PARD3: variants seen among roughly 807,000 people sequenced by gnomAD.
PARD3 encodes the protein par-3 family cell polarity regulator.
PARD3 carries 75 observed loss-of-function variants against 155.4 expected under a neutral mutation model. The ratio of observed to expected loss-of-function variants is 0.48; its 90% CI spans 0.40 to 0.58. The LOEUF is 0.58. PARD3 is among the 20% of genes least tolerant of loss of function. The pLI, the probability that PARD3 is intolerant of heterozygous loss-of-function variation, is 0.00. For synonymous variants in PARD3, 576 were observed against 610.5 expected (o/e 0.94, Z 0.83); for missense variants, 1,642 against 1,721.7 (o/e 0.95, Z 0.82).
intron 2 of PARD3, among the ~76,000 whole-genome samples, chr10:34,535,723 GC>G (rs2083179696): frequency 6.6e-6 from 1 of 151,792 alleles, no homozygotes; most frequent in South Asian, 2.1e-4. Context: ...TGGTCCACCA[GC>G]CTCAGCCTTC....
At chr10:34,118,097 A>G (rs1463469039) in intron 24 of PARD3, among the ~76,000 whole-genome samples, 2 of 152,214 alleles carry the variant, frequency 1.3e-5, no homozygotes, top group Non-Finnish European at 2.9e-5. Flanking sequence ...TAAAGACCAA[A>G]ACTTTAATGA....
chr10:34,325,048 C>G (rs1020696031), intron 19 of PARD3, among the ~76,000 whole-genome samples: 1 of 151,912 alleles, frequency 6.6e-6, no homozygotes, highest in African/African-American at 2.4e-5. Context: ...TTTGCTTTGT[C>G]GCCCAAGCTG....
chr10:34,559,770 A>T (rs2085312472), intron 2 of PARD3, among the ~76,000 whole-genome samples: 2 of 152,218 alleles, frequency 1.3e-5, no homozygotes, highest in South Asian at 4.1e-4. Flanking sequence ...ACAGCGATAT[A>T]ATTTGACCTT....
At chr10:34,200,185 T>C (rs1951145481) in intron 22 of PARD3, among the ~76,000 whole-genome samples, 1 of 152,290 alleles carries the variant, frequency 6.6e-6, no homozygotes, top group African/African-American at 2.4e-5. Flanking sequence ...CCTTGTAAGA[T>C]AGGGAGTTTT....
At chr10:34,347,623 A>G (rs2134365514) in intron 15 of PARD3, among the ~76,000 whole-genome samples, 1 of 152,326 alleles carries the variant, frequency 6.6e-6, no homozygotes, top group African/African-American at 2.4e-5. Context: ...ACAAGCCATT[A>G]AATTTTGATT....
intron 1 of PARD3, among the ~76,000 whole-genome samples, chr10:34,754,550 T>C (rs990989195): frequency 7.2e-5 from 11 of 152,216 alleles, no homozygotes; most frequent in African/African-American, 2.7e-4. Flanking sequence ...ACTTTATTAA[T>C]AGAAAGTCTT....
intron 22 of PARD3, among the ~76,000 whole-genome samples, chr10:34,236,864 A>G (rs1953265858): frequency 6.6e-6 from 1 of 152,172 alleles, no homozygotes; most frequent in African/African-American, 2.4e-5. Context: ...AGTGAGAATT[A>G]GGGTTCTTAA....
intron 2 of PARD3, among the ~76,000 whole-genome samples, chr10:34,643,510 A>C (rs1381624824): frequency 2.0e-5 from 3 of 152,280 alleles, no homozygotes; most frequent in Admixed American, 2.0e-4. Flanking sequence ...TAGAACAGGC[A>C]TCAAGGCCTT....
Position 34,211,139 on chromosome 10 carries a change from C to G in PARD3, c.3419+58518G>C, listed in dbSNP as rs74131647. On this transcript the variant is annotated intron_variant, in intron 22 of 24. Coordinates refer to ENST00000374788, the MANE Select transcript of PARD3 (RefSeq NM_001184785.2). Reference sequence around the variant, plus strand: ...CAGGCTCATGAAACGCACCGATAAACATTCGCTCTCTTCCCTGGACCCTTC... The same window carrying G: ...CAGGCTCATGAAACGCACCGATAAAGATTCGCTCTCTTCCCTGGACCCTTC... Among the ~76,000 whole-genome samples the G allele has an allele frequency of 4.0e-3, 608 of 152,282 alleles. 4 individuals are homozygous for G. The highest frequency in any genetic ancestry group is 0.014 in the African/African-American group (573 of 41,552).
In PARD3 at chr10:34,517,307, G is replaced by A. The variant is rs866865841; in HGVS notation, c.223-148C>T. The A allele has an allele frequency of 4.3e-5, 28 of 647,032 alleles. No homozygotes were observed. The Admixed American group carries it at 5.8e-4, about 13-fold the overall frequency. The allele number at this position is 647,032 out of a possible 1,614,324, so 40.1% of individuals were successfully genotyped here. A position where few individuals can be genotyped will look rare whatever the true frequency, so the allele number is the denominator to read the frequency against. Reference sequence around the variant, plus strand: ...AAGTTTTACGAAGAAAAACCTCAAAGAAACAGTGTTTCCCTAAATTTTGAT... The same window carrying A: ...AAGTTTTACGAAGAAAAACCTCAAAAAAACAGTGTTTCCCTAAATTTTGAT... On this transcript the variant is annotated intron_variant, in intron 2 of 24. Coordinates refer to ENST00000374788, the MANE Select transcript of PARD3 (RefSeq NM_001184785.2).
At chr10:34,718,296 C>T (rs1178550097) in intron 1 of PARD3, among the ~76,000 whole-genome samples, 1 of 152,048 alleles carries the variant, frequency 6.6e-6, no homozygotes, top group Non-Finnish European at 1.5e-5. Flanking sequence ...AGACAAAGAA[C>T]GCTTCATGAA....
intron 3 of PARD3, among the ~76,000 whole-genome samples, chr10:34,508,999 A>G (rs952265842): frequency 2.0e-5 from 3 of 152,098 alleles, no homozygotes; most frequent in African/African-American, 7.2e-5. Context: ...TTACCTACTA[A>G]CCTTGCCCAG....
chr10:34,155,682 G>GTGTA (rs1948973472), intron 22 of PARD3, among the ~76,000 whole-genome samples: 1 of 150,048 alleles, frequency 6.7e-6, no homozygotes, highest in South Asian at 2.1e-4. Context: ...GTGTGTGTGT[G>GTGTA]TGTGTGTGTG....
At chr10:34,650,134 A>C (rs2092961309) in intron 2 of PARD3, among the ~76,000 whole-genome samples, 1 of 152,210 alleles carries the variant, frequency 6.6e-6, no homozygotes, top group African/African-American at 2.4e-5. Context: ...TCTCTAAAAT[A>C]ACAATAAAAA....
intron 1 of PARD3, among the ~76,000 whole-genome samples, chr10:34,805,133 G>A (rs546319788): frequency 6.6e-5 from 10 of 152,286 alleles, no homozygotes; most frequent in Admixed American, 2.0e-4. Context: ...TGAGGCGGGC[G>A]GATCATGAGG....
intron 24 of PARD3, among the ~76,000 whole-genome samples, chr10:34,119,205 G>A (rs1009786743): frequency 1.1e-4 from 17 of 152,114 alleles, no homozygotes; most frequent in Admixed American, 8.5e-4. Flanking sequence ...ACTGACTCTC[G>A]ATCCTTTTAT....
intron 1 of PARD3, among the ~76,000 whole-genome samples, chr10:34,799,365 G>A (rs865974564): frequency 1.3e-5 from 2 of 152,046 alleles, no homozygotes; most frequent in Non-Finnish European, 2.9e-5. Flanking sequence ...CTATACGGAG[G>A]TGTCTAGAAT....
At position 34,374,987 on chromosome 10, in the gene PARD3, A is replaced by T; in HGVS notation, c.1555T>A (p.Leu519Ile). ...ACTTCCTCTTGGGATTTGCCCACTA[A>T]ATCTACTCCATTTACCTAAAACAAA... Reference protein sequence around the residue: ...DRLIEVNGVDLVGKSQEEVVS... With the variant: ...DRLIEVNGVDIVGKSQEEVVS... Residue 519 changes from leucine (L) to isoleucine (I), a missense_variant, in exon 11 of 25, where the codon TTA (leucine) becomes ATA (isoleucine). Leu to Ile is a conservative substitution (Grantham distance 5). Around this residue, in one of 3 missense-constraint regions of PARD3, gnomAD observed 1,529 missense variants for 1,587.3 expected, o/e 0.96. Transcript: ENST00000374788. 1 of 1,612,880 alleles carries T rather than the reference A, an allele frequency of 6.2e-7. No individual in the cohort carries two copies. Among genetic ancestry groups the T allele is most frequent in the African/African-American group, 1.3e-5 (1 of 74,652 alleles).
intron 4 of PARD3, among the ~76,000 whole-genome samples, chr10:34,459,689 T>G (rs537211050): frequency 6.6e-6 from 1 of 152,234 alleles, no homozygotes; most frequent in African/African-American, 2.4e-5. Context: ...TCATAAATAT[T>G]TTATATTTAT....
Sources: gnomAD v4.1 joint callset for allele counts (sites outside exome capture counted in the v4.1 genomes callset) on GRCh38, gnomAD v4.1.1 for gene constraint, gnomAD v4.1.1 regional missense constraint, MANE v1.5 for transcripts, NCBI Gene and HGNC (gene_info 2026-07-23, HGNC 2026-07-21) for gene names.